The following JPH3 variants were observed in gnomAD, a reference collection of about 807,000 sequenced individuals.
JPH3 encodes junctophilin-3.
In JPH3, 11 loss-of-function variants were observed where a neutral mutation model predicts 59.6. The observed-to-expected ratio is 0.18, with a 90% CI of 0.12 to 0.31. The LOEUF (loss-of-function observed/expected upper bound fraction) is 0.31. JPH3 is among the 10% of genes least tolerant of loss of function. The pLI, the probability that JPH3 is intolerant of heterozygous loss-of-function variation, is 1.00. For missense variants in JPH3, 1,202 were observed against 1,105.7 expected, an observed-to-expected ratio of 1.09 and a Z score of -1.24; for synonymous variants, 673 against 483.6, an observed-to-expected ratio of 1.39 and a Z score of -5.14.
At chr16:87,648,688 A>C (rs1390865510) in intron 2 of JPH3, among the ~76,000 whole-genome samples, 1 of 152,190 alleles carries the variant, frequency 6.6e-6, no homozygotes, top group Non-Finnish European at 1.5e-5. Flanking sequence ...GCTGGGACTC[A>C]GCCCAGGGTG....
chr16:87,658,154 G>C (rs912582227), intron 2 of JPH3, among the ~76,000 whole-genome samples: 1 of 152,296 alleles, frequency 6.6e-6, no homozygotes, highest in East Asian at 1.9e-4. Flanking sequence ...CCTGGGTGCA[G>C]GGCAGGTATT....
chr16:87,643,558 G>T (rs1357864943), intron 1 of JPH3, among the ~76,000 whole-genome samples: 1 of 152,182 alleles, frequency 6.6e-6, no homozygotes, highest in African/African-American at 2.4e-5. Flanking sequence ...AGGGCTTAGT[G>T]TGTAGCCCAC....
intron 1 of JPH3, among the ~76,000 whole-genome samples, chr16:87,627,115 C>T (rs2150832802): frequency 6.6e-6 from 1 of 152,330 alleles, no homozygotes; most frequent in African/African-American, 2.4e-5. Flanking sequence ...GGCCGGGGGG[C>T]GAGGCCAGTC....
chr16:87,636,451 G>C (rs184259095), intron 1 of JPH3, among the ~76,000 whole-genome samples: 32 of 152,202 alleles, frequency 2.1e-4, no homozygotes, highest in Non-Finnish European at 4.3e-4. Context: ...AGTGGCTGTC[G>C]CTTTATTGAG....
chr16:87,628,458 G>A (rs2150833653), intron 1 of JPH3, among the ~76,000 whole-genome samples: 1 of 152,362 alleles, frequency 6.6e-6, no homozygotes, highest in East Asian at 1.9e-4. Context: ...CAGAGCCGGA[G>A]CTGGCCTTCG....
chr16:87,645,097 C>G, intron 2 of JPH3, 62 bp downstream of exon 2: 3 of 1,502,404 alleles, frequency 2.0e-6, no homozygotes, highest in African/African-American at 1.4e-5. Flanking sequence ...TGAGCCCAGT[C>G]TGTTCAGTCC....
intron 4 of JPH3, among the ~76,000 whole-genome samples, chr16:87,691,715 C>G (rs1219080898): frequency 2.0e-5 from 3 of 152,166 alleles, no homozygotes; most frequent in African/African-American, 7.2e-5. Context: ...TCTGTCTGTC[C>G]TGTTGGGTTC....
intron 4 of JPH3, chr16:87,695,161 G>T (rs1476790496): frequency 8.1e-6 from 3 of 370,076 alleles, no homozygotes; most frequent in South Asian, 4.0e-5. Flanking sequence ...TGTGGGTGGG[G>T]GGAAGGGGGA....
At chr16:87,662,110 C>T (rs1013395323) in intron 2 of JPH3, among the ~76,000 whole-genome samples, 2 of 152,224 alleles carry the variant, frequency 1.3e-5, no homozygotes, top group Non-Finnish European at 2.9e-5. Flanking sequence ...TACCTACGGT[C>T]ATCCCTCAAG....
chr16:87,696,170 C>T (rs1287753748), intron 4 of JPH3: 1 of 455,104 alleles, frequency 2.2e-6, no homozygotes, highest in Non-Finnish European at 4.4e-6. Flanking sequence ...GCCATGCGGG[C>T]CCTTCTGAGA....
intron 3 of JPH3, among the ~76,000 whole-genome samples, chr16:87,689,097 C>T (rs890615933): frequency 6.6e-6 from 1 of 152,150 alleles, no homozygotes; most frequent in East Asian, 1.9e-4. Flanking sequence ...CTTGAAGCCC[C>T]AGCAGCCTCG....
chr16:87,664,556 C>T (rs375394534), intron 2 of JPH3, among the ~76,000 whole-genome samples: 1 of 152,034 alleles, frequency 6.6e-6, no homozygotes, highest in African/African-American at 2.4e-5. Flanking sequence ...ACCTGGGAGG[C>T]GGAGGTTGCA....
intron 1 of JPH3, among the ~76,000 whole-genome samples, chr16:87,631,744 T>C (rs2031572883): frequency 6.6e-6 from 1 of 152,224 alleles, no homozygotes; most frequent in African/African-American, 2.4e-5. Context: ...ATTTTCTTAC[T>C]GTTTTGCCTA....
rs926563309 is a variant in JPH3 at position 87,690,025 on chromosome 16, C to T, written c.1665C>T (p.Asp555=). 1.3e-6 allele frequency: 2 copies of T among 1,538,968 alleles called. No individual in the cohort carries two copies. The highest frequency in any genetic ancestry group is 1.8e-6 in the Non-Finnish European group (2 of 1,141,668). Reference sequence around the variant, plus strand: ...TGCGCGGCGGCCTGCTCGTGGATGACTTCCGCACCCGAGGTTCGGGCCGCA... The same window carrying T: ...TGCGCGGCGGCCTGCTCGTGGATGATTTCCGCACCCGAGGTTCGGGCCGCA... ...GALRGGLLVD[D]FRTRGSGRKQ... The change falls in exon 4 of 5, where the codon GAC becomes GAT. Residue 555 remains aspartate (D), a synonymous_variant. Coordinates refer to ENST00000284262, the MANE Select transcript of JPH3 (RefSeq NM_020655.4).
chr16:87,625,853 T>A (rs1036505182), intron 1 of JPH3, among the ~76,000 whole-genome samples: 2 of 151,940 alleles, frequency 1.3e-5, no homozygotes, highest in Admixed American at 6.6e-5. Context: ...GCAAAGTTCC[T>A]ATGGCATGTT....
At chr16:87,619,685 G>A (rs1215020574) in intron 1 of JPH3, among the ~76,000 whole-genome samples, 1 of 152,218 alleles carries the variant, frequency 6.6e-6, no homozygotes, top group Non-Finnish European at 1.5e-5. Context: ...ACGGAGTCTG[G>A]GGGGATGTTG....
At chr16:87,617,324 A>T (rs1298083201) in intron 1 of JPH3, among the ~76,000 whole-genome samples, 1 of 152,118 alleles carries the variant, frequency 6.6e-6, no homozygotes, top group Non-Finnish European at 1.5e-5. Context: ...TTGTTTAACC[A>T]TCTGTCCCTT....
chr16:87,677,217 CACACACACAAAA>C (rs2033170000), intron 2 of JPH3, among the ~76,000 whole-genome samples: 1 of 122,416 alleles, frequency 8.2e-6, no homozygotes, highest in Non-Finnish European at 1.6e-5. Context: ...CACACACACA[CACACACACAAAA>C]AAAAAAATTA....
intron 2 of JPH3, among the ~76,000 whole-genome samples, chr16:87,649,303 C>T (rs989773317): frequency 8.5e-5 from 13 of 152,322 alleles, no homozygotes; most frequent in South Asian, 4.1e-4. Flanking sequence ...ACAGGGCATT[C>T]GGCCCCTCCT....
Sources: allele counts gnomAD v4.1 joint callset (sites outside exome capture counted in the v4.1 genomes callset), GRCh38; gene constraint gnomAD v4.1.1; transcripts MANE v1.5; gene names NCBI Gene and HGNC (gene_info 2026-07-23, HGNC 2026-07-21).